Variants in CTNND2 observed in about 807,000 individuals in gnomAD.
The protein encoded by CTNND2 is catenin delta 2, also known as catenin delta-2.
In CTNND2, 22 loss-of-function variants were observed where a neutral mutation model predicts 144.4. The observed-to-expected ratio is 0.15, with a 90% CI of 0.11 to 0.22. The LOEUF is 0.22. Ranked by LOEUF, CTNND2 falls within the 10% of genes least tolerant of loss-of-function variation. The probability of loss-of-function intolerance (pLI) is 1.00; values close to 1 mark genes in which losing one functional copy is unlikely to be tolerated. For missense variants in CTNND2, 1,353 were observed against 1,618.8 expected (o/e 0.84, Z 2.82); for synonymous variants, 751 against 695.6 (o/e 1.08, Z -1.25).
intron 6 of CTNND2, among the ~76,000 whole-genome samples, chr5:11,395,362 C>G (rs185682631): frequency 6.6e-6 from 1 of 152,212 alleles, no homozygotes; most frequent in African/African-American, 2.4e-5. Flanking sequence ...ACAATGGTTT[C>G]CCTTCTGTTA....
intron 12 of CTNND2, among the ~76,000 whole-genome samples, chr5:11,123,337 T>C (rs796125839): frequency 7.9e-5 from 12 of 152,342 alleles, no homozygotes; most frequent in African/African-American, 2.9e-4. Flanking sequence ...TTTTCAGGAC[T>C]CTTTCTAGAC....
chr5:11,035,980 C>A (rs910063100), intron 16 of CTNND2, among the ~76,000 whole-genome samples: 10 of 151,998 alleles, frequency 6.6e-5, no homozygotes, highest in Non-Finnish European at 1.3e-4. Flanking sequence ...GAGTAGGGTA[C>A]AAAAATAATG....
At chr5:11,263,245 A>G (rs1425720886) in intron 9 of CTNND2, among the ~76,000 whole-genome samples, 2 of 152,196 alleles carry the variant, frequency 1.3e-5, no homozygotes, top group Non-Finnish European at 2.9e-5. Flanking sequence ...CAAGATAACT[A>G]AAAATCTCTT....
Position 11,806,292 on chromosome 5 carries a change from C to A in CTNND2, c.38-74020G>T, listed in dbSNP as rs563550073. Among the ~76,000 whole-genome samples the A allele has an allele frequency of 2.6e-5, 4 of 152,208 alleles. 1 individual carries two copies. In the South Asian group the frequency reaches 8.3e-4, roughly 32 times the overall value. On this transcript the variant is annotated intron_variant, in intron 1 of 21. Transcript: ENST00000304623. ...ATATGAGAACTTTGTACTATCTTCT[C>A]AACTTTTCTGTAGATCTAAAACTGC... is the stretch of plus-strand genomic sequence containing the variant.
chr5:11,720,817 TGCCTATA>T (rs1279023417), intron 2 of CTNND2, among the ~76,000 whole-genome samples: 1 of 152,216 alleles, frequency 6.6e-6, no homozygotes, highest in Non-Finnish European at 1.5e-5. Flanking sequence ...CTCACTATTC[TGCCTATA>T]GTCAAAAAAG....
intron 12 of CTNND2, among the ~76,000 whole-genome samples, chr5:11,118,724 T>C (rs1307558224): frequency 1.3e-5 from 2 of 152,158 alleles, no homozygotes; most frequent in Non-Finnish European, 2.9e-5. Flanking sequence ...CTGGAGAAGT[T>C]GAATGAAATG....
chr5:11,674,372 C>T (rs1359342638), intron 2 of CTNND2, among the ~76,000 whole-genome samples: 4 of 152,146 alleles, frequency 2.6e-5, no homozygotes, highest in East Asian at 1.9e-4. Context: ...TTAATTTTAG[C>T]GTAGTTTTAG....
chr5:11,342,065 T>C (rs554682068), intron 9 of CTNND2, among the ~76,000 whole-genome samples: 1 of 152,272 alleles, frequency 6.6e-6, no homozygotes, highest in Admixed American at 6.5e-5. Context: ...CAATTCACTA[T>C]ATATGCATGC....
rs548797213 is a variant in CTNND2 at position 11,730,174 on chromosome 5, A to G, written c.174+1962T>C. 1.1e-4 allele frequency among the ~76,000 whole-genome samples: 16 copies of G among 152,308 alleles called. No homozygotes were observed. The South Asian group carries it at 1.7e-3, about 16-fold the overall frequency. On this transcript the variant is annotated intron_variant, in intron 2 of 21. Coordinates refer to ENST00000304623, the MANE Select transcript of CTNND2 (RefSeq NM_001332.4). ...TAGTAGTATTCATATTGTGAAACTC[A>G]TCGACCACTTATGTATGGCTTCTGG...
intron 7 of CTNND2, among the ~76,000 whole-genome samples, chr5:11,376,583 C>T (rs1265370053): frequency 6.6e-6 from 1 of 152,126 alleles, no homozygotes. Flanking sequence ...GGCATTCAGA[C>T]TGGCAGTCTT....
intron 14 of CTNND2, among the ~76,000 whole-genome samples, chr5:11,108,633 T>C (rs1373534297): frequency 6.6e-6 from 1 of 152,240 alleles, no homozygotes; most frequent in South Asian, 2.1e-4. Context: ...CCCATTTAAA[T>C]TAAATAACTT....
chr5:11,701,101 G>C (rs1785412421), intron 2 of CTNND2, among the ~76,000 whole-genome samples: 1 of 152,306 alleles, frequency 6.6e-6, no homozygotes, highest in South Asian at 2.1e-4. Flanking sequence ...GACGTCTAAA[G>C]AAATTGTCAA....
intron 1 of CTNND2, among the ~76,000 whole-genome samples, chr5:11,896,787 C>T (rs186429067): frequency 1.3e-5 from 2 of 152,068 alleles, no homozygotes; most frequent in Non-Finnish European, 2.9e-5. Context: ...AGTTATTTGC[C>T]TTGATTATCT....
At chr5:11,772,857 A>C (rs1459433550) in intron 1 of CTNND2, among the ~76,000 whole-genome samples, 2 of 152,232 alleles carry the variant, frequency 1.3e-5, no homozygotes, top group African/African-American at 4.8e-5. Flanking sequence ...CTACCTCTTC[A>C]AATAAAAGTT....
At chr5:10,993,247 A>C (rs1237696093) in intron 18 of CTNND2, among the ~76,000 whole-genome samples, 2 of 152,206 alleles carry the variant, frequency 1.3e-5, no homozygotes, top group Non-Finnish European at 2.9e-5. Context: ...TTCAAAATGC[A>C]TCCTACCAAG....
intron 1 of CTNND2, among the ~76,000 whole-genome samples, chr5:11,865,900 G>GAAAAAAAAAAAAAA (rs1158282150): frequency 5.7e-4 from 4 of 7,038 alleles, no homozygotes; most frequent in Non-Finnish European, 1.4e-3. Context: ...AGCTGGAAGA[G>GAAAAAAAAAAAAAA]ACAAAAAAAA....
intron 12 of CTNND2, among the ~76,000 whole-genome samples, chr5:11,137,048 C>T (rs1038939014): frequency 1.3e-5 from 2 of 152,236 alleles, no homozygotes; most frequent in African/African-American, 2.4e-5. Context: ...TCTTGTCACT[C>T]ATATATCACC....
At chr5:11,838,307 A>T (rs16901921) in intron 1 of CTNND2, among the ~76,000 whole-genome samples, 2,668 of 152,188 alleles carry the variant, frequency 0.018, 33 homozygotes, top group East Asian at 0.062. Context: ...GCGTTTTTAG[A>T]TTACCTTAGC....
At chr5:11,534,644 A>T (rs1774050082) in intron 3 of CTNND2, among the ~76,000 whole-genome samples, 1 of 152,020 alleles carries the variant, frequency 6.6e-6, no homozygotes, top group Admixed American at 6.6e-5. Context: ...CCTGAGGGTG[A>T]TTCTATGCGC....
Sources: gnomAD v4.1 joint callset for allele counts (sites outside exome capture counted in the v4.1 genomes callset) on GRCh38, gnomAD v4.1.1 for gene constraint, MANE v1.5 for transcripts, NCBI Gene and HGNC (gene_info 2026-07-23, HGNC 2026-07-21) for gene names.